The following ADAMTSL1 variants were observed in gnomAD, a reference collection of about 807,000 sequenced individuals.
The protein encoded by ADAMTSL1 is ADAMTS like 1.
A neutral mutation model predicts 201.8 loss-of-function variants in ADAMTSL1; 126 were observed. That is an observed-to-expected ratio of 0.62 (90% CI 0.54 to 0.72). ADAMTSL1 has a LOEUF of 0.72. ADAMTSL1 is among the 30% of genes least tolerant of loss of function. ADAMTSL1 has a pLI of 0.00. For synonymous variants in ADAMTSL1, 1,121 were observed against 903.4 expected, an observed-to-expected ratio of 1.24 and a Z score of -4.32; for missense variants, 2,679 against 2,277.8, an observed-to-expected ratio of 1.18 and a Z score of -3.59.
chr9:17,965,385 A>G (rs764665840), intron 1 of ADAMTSL1, among the ~76,000 whole-genome samples: 20 of 152,196 alleles, frequency 1.3e-4, no homozygotes, highest in Non-Finnish European at 2.4e-4. Flanking sequence ...ATGAATTATT[A>G]TAGACCATCA....
At chr9:18,581,775 G>GC (rs1823111498) in intron 4 of ADAMTSL1, among the ~76,000 whole-genome samples, 1 of 152,146 alleles carries the variant, frequency 6.6e-6, no homozygotes, top group African/African-American at 2.4e-5. Flanking sequence ...ATACCGAGCA[G>GC]GAAAAAAATC....
intron 2 of ADAMTSL1, among the ~76,000 whole-genome samples, chr9:18,364,750 T>C (rs1341717663): frequency 6.6e-6 from 1 of 152,110 alleles, no homozygotes; most frequent in Non-Finnish European, 1.5e-5. Flanking sequence ...AGCTTCTGCG[T>C]CTTGGGAGGC....
chr9:18,340,683 T>G (rs187952428), intron 2 of ADAMTSL1, among the ~76,000 whole-genome samples: 43 of 152,284 alleles, frequency 2.8e-4, no homozygotes, highest in African/African-American at 1.0e-3. Context: ...TGATAGTGAA[T>G]AAGTCTCATG....
chr9:18,629,179 A>G (rs959379570), intron 5 of ADAMTSL1, among the ~76,000 whole-genome samples: 2 of 152,140 alleles, frequency 1.3e-5, no homozygotes, highest in Non-Finnish European at 2.9e-5. Flanking sequence ...TTCTCAATAA[A>G]CAATCATGTT....
chr9:18,182,856 A>C (rs1304742475), intron 2 of ADAMTSL1, among the ~76,000 whole-genome samples: 4 of 152,172 alleles, frequency 2.6e-5, no homozygotes, highest in Non-Finnish European at 5.9e-5. Flanking sequence ...CCTGATTGCT[A>C]TACTGCACTA....
chr9:18,260,791 A>T (rs1831889468), intron 2 of ADAMTSL1, among the ~76,000 whole-genome samples: 1 of 151,988 alleles, frequency 6.6e-6, no homozygotes, highest in African/African-American at 2.4e-5. Flanking sequence ...CTTACGGGGG[A>T]GGTGAAGCCA....
chr9:18,163,432 T>G (rs905289892), intron 1 of ADAMTSL1, among the ~76,000 whole-genome samples: 3 of 152,148 alleles, frequency 2.0e-5, no homozygotes, highest in Non-Finnish European at 2.9e-5. Flanking sequence ...CAGGCTTTTC[T>G]TATGTGGTAA....
chr9:17,914,649 A>G (rs1232764595), intron 1 of ADAMTSL1, among the ~76,000 whole-genome samples: 1 of 151,302 alleles, frequency 6.6e-6, no homozygotes, highest in East Asian at 1.9e-4. Flanking sequence ...CCTATTCAAC[A>G]TAGTGTTGGA....
At position 18,777,797 on chromosome 9, in the gene ADAMTSL1, G is replaced by A. The variant is rs759653021; in HGVS notation, c.3568G>A (p.Ala1190Thr). ...EVVTHLGQTV[A>T]LASGTLSVLL... ...GGTCACCCACCTGGGGCAGACGGTG[G>A]CCCTGGCCAGCGGGACACTGAGTGT... The change falls in exon 19 of 29, where the codon GCC becomes ACC. Residue 1190 changes from alanine to threonine, a missense_variant. Ala to Thr is a moderately conservative substitution (Grantham distance 58). Coordinates refer to ENST00000380548, the MANE Select transcript of ADAMTSL1 (RefSeq NM_001040272.6). 5.0e-6 allele frequency: 8 copies of A among 1,613,772 alleles called. No individual in the cohort carries two copies. Among genetic ancestry groups the A allele is most frequent in the Non-Finnish European group, 6.8e-6 (8 of 1,179,820 alleles).
chr9:18,365,925 C>T lies in ADAMTSL1; in HGVS notation c.208-138904C>T, dbSNP rs148678811. Among the ~76,000 whole-genome samples, 9 of 152,214 alleles carry T rather than the reference C, an allele frequency of 5.9e-5. No homozygotes were observed. In the East Asian group the frequency reaches 1.5e-3, roughly 26 times the overall value. On this transcript the variant is annotated intron_variant, in intron 2 of 29. Transcript: ENST00000680146. ...ACATGGGAGGGAGCTGGGTTGTGTG[C>T]TCCTTATGAGAATCTAATGCCTGAT...
At chr9:18,150,240 A>G (rs569971436) in intron 1 of ADAMTSL1, among the ~76,000 whole-genome samples, 4 of 152,196 alleles carry the variant, frequency 2.6e-5, no homozygotes, top group South Asian at 2.1e-4. Context: ...ACAATGGAGC[A>G]CCAGAGAGCA....
intron 2 of ADAMTSL1, among the ~76,000 whole-genome samples, chr9:18,222,644 C>CT (rs66646766): frequency 0.034 from 4,043 of 120,086 alleles, 74 homozygotes; most frequent in African/African-American, 0.042. Context: ...CTCATATACT[C>CT]TTTTTTTTTT....
chr9:18,249,164 T>C (rs1313025817), intron 2 of ADAMTSL1, among the ~76,000 whole-genome samples: 1 of 152,184 alleles, frequency 6.6e-6, no homozygotes, highest in Non-Finnish European at 1.5e-5. Context: ...AAGCAGTTGT[T>C]TCGTTAATCC....
At chr9:18,007,114 C>A (rs1300952277) in intron 1 of ADAMTSL1, among the ~76,000 whole-genome samples, 2 of 151,990 alleles carry the variant, frequency 1.3e-5, no homozygotes, top group Non-Finnish European at 2.9e-5. Flanking sequence ...CCAAGCATTT[C>A]CTTTGAAGGG....
At chr9:18,458,436 C>A (rs957950913) in intron 2 of ADAMTSL1, among the ~76,000 whole-genome samples, 2 of 152,070 alleles carry the variant, frequency 1.3e-5, no homozygotes, top group Admixed American at 6.6e-5. Context: ...TGGATCACTG[C>A]CCACAGTTGA....
At chr9:18,031,085 A>G (rs1003269027) in intron 1 of ADAMTSL1, among the ~76,000 whole-genome samples, 4 of 151,916 alleles carry the variant, frequency 2.6e-5, no homozygotes, top group Non-Finnish European at 4.4e-5. Flanking sequence ...GTTTCCTTGG[A>G]TTAGATTTCA....
At chr9:18,596,501 A>G (rs1219314352) in intron 4 of ADAMTSL1, among the ~76,000 whole-genome samples, 1 of 152,292 alleles carries the variant, frequency 6.6e-6, no homozygotes, top group Non-Finnish European at 1.5e-5. Flanking sequence ...GAGCACTGAC[A>G]TGGTGCCTCA....
At chr9:17,964,153 G>GA (rs1010249566) in intron 1 of ADAMTSL1, among the ~76,000 whole-genome samples, 14 of 152,184 alleles carry the variant, frequency 9.2e-5, no homozygotes, top group African/African-American at 3.4e-4. Flanking sequence ...ACTATACATA[G>GA]AAAAATAAAT....
rs547630766 is a variant in ADAMTSL1, at chr9:18,073,063, A to G, written c.88-90799A>G. 1.1e-4 allele frequency among the ~76,000 whole-genome samples: 16 copies of G among 152,312 alleles called. No individual in the cohort carries two copies. In the South Asian group the frequency reaches 3.3e-3, roughly 32 times the overall value. On this transcript the variant is annotated intron_variant, in intron 1 of 29. Transcript: ENST00000680146. Reference sequence around the variant, plus strand: ...TTAATAGTGTTGTCCTCACAGCGTTATCTTCATTAATGAAGAGCACTGAAG... The same window carrying G: ...TTAATAGTGTTGTCCTCACAGCGTTGTCTTCATTAATGAAGAGCACTGAAG...
Sources: gnomAD v4.1 joint callset for allele counts (sites outside exome capture counted in the v4.1 genomes callset) on GRCh38, gnomAD v4.1.1 for gene constraint, MANE v1.5 for transcripts, NCBI Gene and HGNC (gene_info 2026-07-23, HGNC 2026-07-21) for gene names.